The following CSMD1 variants were observed in gnomAD, a reference collection of about 807,000 sequenced individuals.
CSMD1 encodes CUB and sushi domain-containing protein 1.
Under a neutral mutation model 417.5 loss-of-function variants are expected in CSMD1, and 213 were observed. That is an observed-to-expected ratio of 0.51 (90% CI 0.46 to 0.57). CSMD1 has a LOEUF of 0.57. Ranked by LOEUF, CSMD1 falls within the 20% of genes least tolerant of loss-of-function variation. The pLI is 0.00. For synonymous variants in CSMD1, 2,862 were observed against 1,736.8 expected (o/e 1.65, Z -16.11); for missense variants, 6,923 against 4,529.7 (o/e 1.53, Z -15.17).
Position 4,658,181 on chromosome 8 carries a change from ATGTTTGAATAAATGAC to A in CSMD1, c.86-20639_86-20624del, listed in dbSNP as rs567679481. Among the ~76,000 whole-genome samples, 241 of 152,246 alleles carry A rather than the reference ATGTTTGAATAAATGAC, an allele frequency of 1.6e-3. 3 individuals carry two copies. Among genetic ancestry groups the A allele is most frequent in the African/African-American group, 5.7e-3 (235 of 41,566 alleles). On this transcript the variant is annotated intron_variant, in intron 1 of 69. Transcript: ENST00000635120. ...GGAGAAAGAGAAAGCAGCAGAAATAATGTTTGAATAAATGACTGCAAATTTCCAAAATTTACTAATC... is the reference window on the plus strand; with the variant it reads ...GGAGAAAGAGAAAGCAGCAGAAATAATGCAAATTTCCAAAATTTACTAATC...
intron 10 of CSMD1, among the ~76,000 whole-genome samples, chr8:3,525,627 G>A (rs553819566): frequency 2.0e-4 from 30 of 152,086 alleles, no homozygotes; most frequent in Non-Finnish European, 3.7e-4. Flanking sequence ...AAAACCTCTT[G>A]CCTGACATTC....
At position 4,969,971 on chromosome 8, in the gene CSMD1, T is replaced by C. The variant is rs185217013; in HGVS notation, c.85+24361A>G. 1.3e-4 allele frequency among the ~76,000 whole-genome samples: 19 copies of C among 151,746 alleles called. No homozygotes were observed. The East Asian group carries it at 3.7e-3, about 29-fold the overall frequency. On this transcript the variant is annotated intron_variant, in intron 1 of 69. Transcript: ENST00000635120. ...ACATGAAACATTTGTGTATTTTACA[T>C]ACGTACCATGCCTTCCATGGTCCGT...
intron 1 of CSMD1, among the ~76,000 whole-genome samples, chr8:4,815,339 G>C (rs1361625802): frequency 6.6e-6 from 1 of 152,132 alleles, no homozygotes; most frequent in Non-Finnish European, 1.5e-5. Context: ...TGACATCACA[G>C]TCCCACTGTG....
chr8:4,386,553 A>C (rs886656187), intron 3 of CSMD1, among the ~76,000 whole-genome samples: 5 of 152,232 alleles, frequency 3.3e-5, no homozygotes, highest in African/African-American at 4.8e-5. Flanking sequence ...GCAAGCCTAA[A>C]ATAAGTAAGA....
chr8:2,965,536 T>A (rs368063155), intron 59 of CSMD1, among the ~76,000 whole-genome samples: 1 of 152,124 alleles, frequency 6.6e-6, no homozygotes. Flanking sequence ...CCCCGACATC[T>A]CCAGTTCCTG....
chr8:4,031,870 G>A (rs779330715), intron 4 of CSMD1, 35 bp downstream of exon 4: 12 of 1,541,318 alleles, frequency 7.8e-6, no homozygotes, highest in Non-Finnish European at 5.3e-6. Flanking sequence ...GCCCTGCCCT[G>A]GAGTCTGCTC....
chr8:3,379,191 G>C (rs1456872873), intron 18 of CSMD1, among the ~76,000 whole-genome samples: 1 of 152,138 alleles, frequency 6.6e-6, no homozygotes, highest in Non-Finnish European at 1.5e-5. Flanking sequence ...AACTTACAAG[G>C]GATGTGAAGG....
At chr8:3,425,665 G>C (rs1047166914) in intron 12 of CSMD1, among the ~76,000 whole-genome samples, 1 of 151,786 alleles carries the variant, frequency 6.6e-6, no homozygotes, top group Non-Finnish European at 1.5e-5. Flanking sequence ...AGCCCAGAGA[G>C]TTTTCATTAC....
chr8:3,177,370 G>A (rs566447450), intron 37 of CSMD1, among the ~76,000 whole-genome samples: 8 of 152,302 alleles, frequency 5.3e-5, no homozygotes, highest in South Asian at 2.1e-4. Context: ...CGAGAAGGGC[G>A]TGAAACACCA....
intron 3 of CSMD1, among the ~76,000 whole-genome samples, chr8:4,333,596 G>A (rs367680643): frequency 2.8e-4 from 42 of 152,280 alleles, no homozygotes; most frequent in African/African-American, 8.7e-4. Context: ...TACTCTTGCT[G>A]TTGTTACTGA....
chr8:4,368,595 T>A lies in CSMD1; in HGVS notation c.415+51358A>T, dbSNP rs574481492. Among the ~76,000 whole-genome samples, 31 of 152,270 alleles carry A rather than the reference T, an allele frequency of 2.0e-4. 1 individual carries two copies. The highest frequency in any genetic ancestry group is 1.7e-3 in the Admixed American group (26 of 15,284). On this transcript the variant is annotated intron_variant, in intron 3 of 69. Coordinates refer to ENST00000635120, the MANE Select transcript of CSMD1 (RefSeq NM_033225.6). Reference sequence around the variant, plus strand: ...TGGTAAAATTCGGCTTTGAATACATTTGGTCCAGGACTTTTGGTTGGTAGG... The same window carrying A: ...TGGTAAAATTCGGCTTTGAATACATATGGTCCAGGACTTTTGGTTGGTAGG...
intron 25 of CSMD1, among the ~76,000 whole-genome samples, chr8:3,300,114 G>A (rs1477567558): frequency 2.6e-5 from 4 of 152,228 alleles, no homozygotes; most frequent in Middle Eastern, 6.8e-3. Flanking sequence ...TCAGGCAATG[G>A]AATACTATCC....
At chr8:3,852,444 G>C (rs890403827) in intron 5 of CSMD1, among the ~76,000 whole-genome samples, 2 of 152,180 alleles carry the variant, frequency 1.3e-5, no homozygotes, top group Non-Finnish European at 2.9e-5. Context: ...ACGTCGGGAA[G>C]AGGGTAGGGC....
chr8:3,564,774 T>C lies in CSMD1; in HGVS notation c.1344+10171A>G, dbSNP rs77385612. On this transcript the variant is annotated intron_variant, in intron 10 of 69. Transcript: ENST00000635120. ...AAAACCCAAAAAACCACAATCGATC[T>C]TGAAAGGGGTGATGACAGAGGTGTG... Among the ~76,000 whole-genome samples the C allele has an allele frequency of 5.4e-3, 815 of 151,840 alleles. 8 individuals are homozygous for C. The highest frequency in any genetic ancestry group is 0.018 in the African/African-American group (758 of 41,386).
chr8:3,312,317 C>G (rs1334157653), intron 23 of CSMD1, among the ~76,000 whole-genome samples: 1 of 152,124 alleles, frequency 6.6e-6, no homozygotes, highest in Non-Finnish European at 1.5e-5. Context: ...CAGCTGTCTC[C>G]TTTTTTTCTG....
At chr8:3,339,997 C>G (rs953084351) in intron 23 of CSMD1, among the ~76,000 whole-genome samples, 6 of 152,160 alleles carry the variant, frequency 3.9e-5, no homozygotes, top group East Asian at 1.9e-4. Context: ...TAATAAATGC[C>G]TATTCAGCAA....
chr8:3,926,737 T>TTA (rs1809757290), intron 5 of CSMD1, among the ~76,000 whole-genome samples: 3 of 138,910 alleles, frequency 2.2e-5, no homozygotes, highest in South Asian at 2.4e-4. Flanking sequence ...TTTTTTTTTT[T>TTA]ATGGAGTCCC....
chr8:3,026,932 C>A (rs1214381279), intron 51 of CSMD1, among the ~76,000 whole-genome samples: 2 of 152,100 alleles, frequency 1.3e-5, no homozygotes, highest in Non-Finnish European at 2.9e-5. Context: ...ACTCTGATGT[C>A]ATTTCCAAAA....
rs1803559043 is a variant in CSMD1 at position 4,138,256 on chromosome 8, T to G, written c.416-106157A>C. Among the ~76,000 whole-genome samples the G allele has an allele frequency of 4.0e-5, 6 of 149,804 alleles. 2 individuals are homozygous for G. In the South Asian group the frequency reaches 1.3e-3, roughly 32 times the overall value. ...CTCTAACTGATGGGTTTTCCTTTTC[T>G]CCTGGCTATGCCATAAACTAAATGG... is the stretch of plus-strand genomic sequence containing the variant. On this transcript the variant is annotated intron_variant, in intron 3 of 69. Transcript: ENST00000635120.
Sources: allele counts gnomAD v4.1 joint callset (sites outside exome capture counted in the v4.1 genomes callset), GRCh38; gene constraint gnomAD v4.1.1; transcripts MANE v1.5; gene names NCBI Gene and HGNC (gene_info 2026-07-23, HGNC 2026-07-21).